Variants in DPF3 observed in about 807,000 individuals in gnomAD.
The protein encoded by DPF3 is double PHD fingers 3.
A neutral mutation model predicts 56.8 loss-of-function variants in DPF3; 18 were observed. The observed-to-expected ratio is 0.32, with a 90% CI of 0.22 to 0.47. The LOEUF is 0.47. DPF3 is among the 20% of genes least tolerant of loss of function. The pLI is 1.00. For missense variants in DPF3, 403 were observed against 488.8 expected (o/e 0.82, Z 1.65); for synonymous variants, 188 against 180.2 (o/e 1.04, Z -0.35).
chr14:72,737,027 G>A (rs1414171606), intron 3 of DPF3, among the ~76,000 whole-genome samples: 1 of 151,898 alleles, frequency 6.6e-6, no homozygotes, highest in Non-Finnish European at 1.5e-5. Context: ...ATTGGGAACA[G>A]AGATACTCCT....
chr14:72,831,215 G>A lies in DPF3; in HGVS notation c.33-59322C>T, dbSNP rs149309821. Among the ~76,000 whole-genome samples the A allele has an allele frequency of 2.3e-3, 357 of 152,202 alleles. 2 individuals are homozygous for A. In the East Asian group the frequency reaches 0.054, roughly 23 times the overall value. ...CAGGCACCTCAAGGAAACGTGACGC[G>A]GGAGGGGATTCCGAGCCTCTCTGTC... On this transcript the variant is annotated intron_variant, in intron 1 of 10. Transcript: ENST00000556509.
chr14:72,831,025 A>G (rs1884033669), intron 1 of DPF3, among the ~76,000 whole-genome samples: 1 of 152,188 alleles, frequency 6.6e-6, no homozygotes, highest in Non-Finnish European at 1.5e-5. Flanking sequence ...AGGGCCAGCC[A>G]TGAACGTCCC....
intron 1 of DPF3, among the ~76,000 whole-genome samples, chr14:72,832,910 C>T (rs1400850678): frequency 2.0e-5 from 3 of 152,102 alleles, no homozygotes; most frequent in Non-Finnish European, 2.9e-5. Flanking sequence ...CAAGAAACCT[C>T]AAGGAATTCC....
intron 1 of DPF3, among the ~76,000 whole-genome samples, chr14:72,833,998 A>C (rs1884174136): frequency 6.6e-6 from 1 of 151,908 alleles, no homozygotes; most frequent in South Asian, 2.1e-4. Context: ...CCTGGCTAAC[A>C]TGGTGAAACT....
chr14:72,657,032 C>T (rs976601786), intron 8 of DPF3, among the ~76,000 whole-genome samples: 5 of 152,208 alleles, frequency 3.3e-5, no homozygotes, highest in African/African-American at 9.6e-5. Context: ...TGTTATCTTA[C>T]TGGTTGTTTT....
At chr14:72,652,896 A>G (rs1201646016) in intron 8 of DPF3, among the ~76,000 whole-genome samples, 1 of 152,128 alleles carries the variant, frequency 6.6e-6, no homozygotes, top group East Asian at 1.9e-4. Context: ...GATGATGCAG[A>G]GGTGGGTAGG....
intron 1 of DPF3, among the ~76,000 whole-genome samples, chr14:72,800,300 T>C (rs1168043259): frequency 6.6e-6 from 1 of 152,214 alleles, no homozygotes; most frequent in Non-Finnish European, 1.5e-5. Flanking sequence ...GTCAAGCCCA[T>C]TTCCTCATTT....
chr14:72,699,524 A>T (rs980637302), intron 6 of DPF3, among the ~76,000 whole-genome samples: 11 of 151,534 alleles, frequency 7.3e-5, no homozygotes, highest in African/African-American at 2.4e-4. Context: ...TCTCAAAAAA[A>T]AAAAAAAAAA....
intron 1 of DPF3, among the ~76,000 whole-genome samples, chr14:72,863,868 C>T (rs148332022): frequency 3.9e-5 from 6 of 152,262 alleles, no homozygotes; most frequent in South Asian, 2.1e-4. Context: ...AAAGAAGTCT[C>T]GGGCCTTGAA....
At chr14:72,853,904 G>A (rs1885081063) in intron 1 of DPF3, among the ~76,000 whole-genome samples, 2 of 152,192 alleles carry the variant, frequency 1.3e-5, no homozygotes, top group African/African-American at 4.8e-5. Flanking sequence ...GGTTGAAGCT[G>A]TATTTGGCAG....
rs537973814 is a variant in DPF3 at position 72,618,324 on chromosome 14, T to G, written c.*973A>C. 5.9e-5 allele frequency among the ~76,000 whole-genome samples: 9 copies of G among 152,344 alleles called. No individual in the cohort carries two copies. In the South Asian group the frequency reaches 1.9e-3, roughly 32 times the overall value. On this transcript the variant is annotated 3_prime_UTR_variant, in exon 11 of 11. Coordinates refer to ENST00000556509, the MANE Select transcript of DPF3 (RefSeq NM_001280542.3). ...GCGTCGCATCAATACTGAAGGTTTC[T>G]CAAAGCTGCAGCCCCCTGTATCCAG... is the stretch of plus-strand genomic sequence containing the variant.
intron 2 of DPF3, among the ~76,000 whole-genome samples, chr14:72,755,222 C>A (rs749049225): frequency 6.6e-6 from 1 of 152,230 alleles, no homozygotes; most frequent in Non-Finnish European, 1.5e-5. Flanking sequence ...CTCCAAAGGT[C>A]TACGTGGCAA....
At chr14:72,822,609 G>A (rs955877873) in intron 1 of DPF3, among the ~76,000 whole-genome samples, 2 of 152,092 alleles carry the variant, frequency 1.3e-5, no homozygotes, top group African/African-American at 4.8e-5. Flanking sequence ...GGGTGACAGA[G>A]ACTTAGATTT....
chr14:72,690,680 T>C (rs1887643046), intron 7 of DPF3, among the ~76,000 whole-genome samples: 1 of 151,590 alleles, frequency 6.6e-6, no homozygotes, highest in African/African-American at 2.4e-5. Context: ...ATAATGAGGC[T>C]ACAGGAGAAC....
At chr14:72,677,412 C>T (rs1356612990) in intron 7 of DPF3, among the ~76,000 whole-genome samples, 1 of 152,172 alleles carries the variant, frequency 6.6e-6, no homozygotes, top group Non-Finnish European at 1.5e-5. Context: ...AGGGTTCTCC[C>T]ATGGAGCTCT....
At chr14:72,770,218 C>T (rs1210710563) in intron 2 of DPF3, among the ~76,000 whole-genome samples, 1 of 152,172 alleles carries the variant, frequency 6.6e-6, no homozygotes, top group Non-Finnish European at 1.5e-5. Flanking sequence ...ATCTCTAGAC[C>T]TAACTACCAA....
At chr14:72,853,537 C>G (rs566661396) in intron 1 of DPF3, among the ~76,000 whole-genome samples, 1 of 144,632 alleles carries the variant, frequency 6.9e-6, no homozygotes, top group Admixed American at 7.3e-5. Flanking sequence ...TGCAGTGGCA[C>G]GATCTTGGCT....
rs933532611 is a variant in DPF3 at position 72,662,590 on chromosome 14, T to C, written c.871+11650A>G. 4 of 985,114 alleles carry C rather than the reference T, an allele frequency of 4.1e-6. No homozygotes were observed. In the South Asian group the frequency reaches 1.4e-4, roughly 35 times the overall value. The allele number at this position is 985,114 out of a possible 1,614,324, so 61.0% of individuals were successfully genotyped here. Reference sequence around the variant, plus strand: ...AAGATTTAAAAAGAAAAAAAAAATCTTCTTATTGCACAAACTGAGGCCATT... The same window carrying C: ...AAGATTTAAAAAGAAAAAAAAAATCCTCTTATTGCACAAACTGAGGCCATT... On this transcript the variant is annotated intron_variant, in intron 8 of 10. Transcript: ENST00000556509.
rs566805597 is a variant in DPF3 at position 72,777,002 on chromosome 14, C to G, written c.33-5109G>C. On this transcript the variant is annotated intron_variant, in intron 1 of 10. Coordinates refer to ENST00000556509, the MANE Select transcript of DPF3 (RefSeq NM_001280542.3). ...GAAGTCGTCCTTTCTCTCCACTCCC[C>G]CTGTGTGGCCCCAAGTCCCCTTTGC... 5.9e-5 allele frequency among the ~76,000 whole-genome samples: 9 copies of G among 152,306 alleles called. No individual in the cohort carries two copies. In the East Asian group the frequency reaches 1.5e-3, roughly 26 times the overall value.
Sources: gnomAD v4.1 joint callset for allele counts (sites outside exome capture counted in the v4.1 genomes callset) on GRCh38, gnomAD v4.1.1 for gene constraint, MANE v1.5 for transcripts, NCBI Gene and HGNC (gene_info 2026-07-23, HGNC 2026-07-21) for gene names.